Variants in PTPRN2 observed in about 807,000 individuals in gnomAD.
PTPRN2 encodes protein tyrosine phosphatase receptor type N2.
In PTPRN2, 74 loss-of-function variants were observed where a neutral mutation model predicts 118.8. That is an observed-to-expected ratio of 0.62 (90% CI 0.52 to 0.76). The LOEUF is 0.76. Ranked by LOEUF, PTPRN2 falls within the 30% of genes least tolerant of loss-of-function variation. The probability of loss-of-function intolerance (pLI) is 0.00; values close to 1 mark genes in which losing one functional copy is unlikely to be tolerated. For synonymous variants in PTPRN2, 641 were observed against 608.0 expected (o/e 1.05, Z -0.80); for missense variants, 1,481 against 1,394.4 (o/e 1.06, Z -0.99).
At chr7:158,287,905 G>A (rs1448836211) in intron 3 of PTPRN2, among the ~76,000 whole-genome samples, 1 of 152,126 alleles carries the variant, frequency 6.6e-6, no homozygotes, top group African/African-American at 2.4e-5. Flanking sequence ...ATTGCCGAAA[G>A]TGGGTATTGA....
At chr7:158,531,369 A>G (rs961014977) in intron 1 of PTPRN2, among the ~76,000 whole-genome samples, 1 of 152,192 alleles carries the variant, frequency 6.6e-6, no homozygotes, top group African/African-American at 2.4e-5. Flanking sequence ...GCCACCCTCC[A>G]TGAACTGATG....
At chr7:158,393,872 C>T (rs544088326) in intron 2 of PTPRN2, among the ~76,000 whole-genome samples, 2 of 152,174 alleles carry the variant, frequency 1.3e-5, no homozygotes, top group South Asian at 4.1e-4. Flanking sequence ...CATCACCTCC[C>T]TCCCCAGCCA....
chr7:157,911,013 G>A (rs1798074123), intron 11 of PTPRN2, among the ~76,000 whole-genome samples: 1 of 152,224 alleles, frequency 6.6e-6, no homozygotes, highest in Admixed American at 6.5e-5. Flanking sequence ...GAGAAGAGAA[G>A]GGGGGTGCCC....
rs1473574329 is a variant in PTPRN2 at position 157,977,658 on chromosome 7, T to C, written c.1724-78921A>G. The stretch of plus-strand genomic sequence containing the variant: ...GGCCCCAGGTGGGATGAATTGAGCA[T>C]GTTCAGGGAGCAGAGAGAATGCTGC... On this transcript the variant is annotated intron_variant, in intron 11 of 22. Transcript: ENST00000389418. This position sits in a 1 kb window ranked among gnomAD's most constrained non-coding sequence, Gnocchi z 4.6. Among the ~76,000 whole-genome samples the C allele has an allele frequency of 4.0e-5, 6 of 150,608 alleles. No individual in the cohort carries two copies. In the South Asian group the frequency reaches 1.0e-3, roughly 26 times the overall value.
intron 11 of PTPRN2, among the ~76,000 whole-genome samples, chr7:158,018,555 C>A (rs1206206703): frequency 1.3e-5 from 2 of 152,178 alleles, no homozygotes; most frequent in African/African-American, 4.8e-5. Context: ...CAAGGAAAAT[C>A]ATCTCGGCTT....
At chr7:157,626,072 G>A (rs1803553136) in intron 14 of PTPRN2, among the ~76,000 whole-genome samples, 1 of 152,116 alleles carries the variant, frequency 6.6e-6, no homozygotes, top group Admixed American at 6.5e-5. Flanking sequence ...GGAAACCAAG[G>A]CCTAGAGAAG....
chr7:157,807,072 G>A (rs1428465592), intron 12 of PTPRN2, among the ~76,000 whole-genome samples: 1 of 152,260 alleles, frequency 6.6e-6, no homozygotes, highest in Non-Finnish European at 1.5e-5. Context: ...TGGCCAGGCT[G>A]GTGTCTTTGA....
chr7:158,502,505 G>A lies in PTPRN2; in HGVS notation c.113-12720C>T, dbSNP rs114644323. 6.7e-3 allele frequency among the ~76,000 whole-genome samples: 1,023 copies of A among 152,274 alleles called. 11 individuals are homozygous for A. The highest frequency in any genetic ancestry group is 9.5e-3 in the Non-Finnish European group (648 of 68,012). On this transcript the variant is annotated intron_variant, in intron 1 of 22. Transcript: ENST00000389418. ...CAGCCCTGGACACAGCCACCCCTCA[G>A]GGGTCCATGGCCACCAGCCCCACCC...
chr7:158,103,948 T>C (rs1401761186), intron 10 of PTPRN2, among the ~76,000 whole-genome samples: 2 of 151,948 alleles, frequency 1.3e-5, no homozygotes, highest in Non-Finnish European at 2.9e-5. Context: ...CTGCAACAAC[T>C]GCCTCCCGGG....
intron 12 of PTPRN2, among the ~76,000 whole-genome samples, chr7:157,877,860 G>A (rs1378464778): frequency 1.3e-5 from 2 of 152,124 alleles, no homozygotes; most frequent in South Asian, 2.1e-4. Flanking sequence ...AACATCCCAC[G>A]ATCAGCTCTG....
At chr7:157,680,445 T>C (rs574448794) in intron 13 of PTPRN2, among the ~76,000 whole-genome samples, 3 of 152,370 alleles carry the variant, frequency 2.0e-5, no homozygotes, top group South Asian at 2.1e-4. Context: ...CCAAGTGAGA[T>C]ATGGATACGT....
intron 11 of PTPRN2, among the ~76,000 whole-genome samples, chr7:157,999,015 G>A (rs1805009117): frequency 6.6e-6 from 1 of 151,926 alleles, no homozygotes; most frequent in Non-Finnish European, 1.5e-5. Flanking sequence ...AGTGCTGACA[G>A]TGTGGGGCGG....
At chr7:158,250,991 G>A (rs1477505952) in intron 3 of PTPRN2, among the ~76,000 whole-genome samples, 1 of 151,834 alleles carries the variant, frequency 6.6e-6, no homozygotes, top group African/African-American at 2.4e-5. Flanking sequence ...ATTGTAACAA[G>A]TACGGAAGTT....
intron 14 of PTPRN2, among the ~76,000 whole-genome samples, chr7:157,648,736 G>A (rs1435488091): frequency 1.7e-4 from 22 of 127,444 alleles, no homozygotes; most frequent in African/African-American, 5.4e-4. Context: ...TCGGTGGGTC[G>A]GACCCATCCA....
intron 6 of PTPRN2, among the ~76,000 whole-genome samples, chr7:158,142,281 G>A (rs893649468): frequency 6.6e-5 from 10 of 152,182 alleles, no homozygotes; most frequent in African/African-American, 1.4e-4. Context: ...GACCAGACAC[G>A]GGCAGCCCCT....
intron 16 of PTPRN2, among the ~76,000 whole-genome samples, chr7:157,600,915 C>T (rs571724808): frequency 6.6e-6 from 1 of 152,344 alleles, no homozygotes; most frequent in African/African-American, 2.4e-5. Flanking sequence ...TCTGTCCCTA[C>T]ATAGTTAAAT....
At chr7:157,741,710 T>C (rs759169606) in intron 12 of PTPRN2, among the ~76,000 whole-genome samples, 1 of 152,172 alleles carries the variant, frequency 6.6e-6, no homozygotes, top group Non-Finnish European at 1.5e-5. Context: ...AGGGGACAAC[T>C]GTTTGGCCAA....
intron 11 of PTPRN2, among the ~76,000 whole-genome samples, chr7:158,052,904 G>T (rs1186503421): frequency 1.3e-5 from 2 of 152,176 alleles, no homozygotes; most frequent in African/African-American, 2.4e-5. Flanking sequence ...AGCTCCCTGG[G>T]CTACAGGGAC....
intron 1 of PTPRN2, among the ~76,000 whole-genome samples, chr7:158,559,220 A>C (rs1827226616): frequency 6.6e-6 from 1 of 152,282 alleles, no homozygotes; most frequent in South Asian, 2.1e-4. Flanking sequence ...TATAAAAATG[A>C]ATTTCTATTG....
Sources: allele counts gnomAD v4.1 joint callset (sites outside exome capture counted in the v4.1 genomes callset), GRCh38; gene constraint gnomAD v4.1.1; non-coding constraint Gnocchi (gnomAD v3.1); transcripts MANE v1.5; gene names NCBI Gene and HGNC (gene_info 2026-07-23, HGNC 2026-07-21).